C10orf67: variants seen among roughly 807,000 people sequenced by gnomAD.
C10orf67 encodes the protein chromosome 10 open reading frame 67, also known as uncharacterized protein C10orf67, mitochondrial.
A neutral mutation model predicts 35.6 loss-of-function variants in C10orf67; 60 were observed. The observed-to-expected ratio is 1.68, with a 90% CI of 1.37 to 2.09. The LOEUF (loss-of-function observed/expected upper bound fraction) is 2.09. Among genes scored for constraint, C10orf67 ranks in the 30% most tolerant of loss-of-function variants. The probability of loss-of-function intolerance (pLI) is 0.00; values close to 1 mark genes in which losing one functional copy is unlikely to be tolerated. For missense variants in C10orf67, 474 were observed against 330.2 expected, an observed-to-expected ratio of 1.44 and a Z score of -3.38; for synonymous variants, 167 against 115.8, an observed-to-expected ratio of 1.44 and a Z score of -2.84.
intron 10 of C10orf67, among the ~76,000 whole-genome samples, chr10:23,253,312 G>T (rs1842510386): frequency 6.6e-6 from 1 of 152,146 alleles, no homozygotes; most frequent in Admixed American, 6.5e-5. Flanking sequence ...AAAAGTGGGG[G>T]TCACCAAAGT....
intron 1 of C10orf67, among the ~76,000 whole-genome samples, chr10:23,334,120 T>C (rs1421750205): frequency 6.6e-6 from 1 of 152,310 alleles, no homozygotes; most frequent in East Asian, 1.9e-4. Flanking sequence ...CTAAATCTCT[T>C]TGAGGGTGCC....
chr10:23,251,548 A>G (rs1842455813), intron 10 of C10orf67, among the ~76,000 whole-genome samples: 1 of 152,234 alleles, frequency 6.6e-6, no homozygotes, highest in Admixed American at 6.5e-5. Context: ...CATGAATGAG[A>G]GAGACTTCCG....
Position 23,236,834 on chromosome 10 carries a change from G to T in C10orf67, c.1434+2895C>A, listed in dbSNP as rs573985369. On this transcript the variant is annotated intron_variant, in intron 13 of 15. Coordinates refer to ENST00000636213, the MANE Select transcript of C10orf67 (RefSeq NM_001371909.1). The stretch of plus-strand genomic sequence containing the variant: ...GGAGGTTGCAGTGAGCCAAGATCGT[G>T]CCATTGTACTCCAGCTTGGGTGACA... 2.0e-5 allele frequency among the ~76,000 whole-genome samples: 3 copies of T among 152,286 alleles called. No homozygotes were observed. The East Asian group carries it at 5.8e-4, about 29-fold the overall frequency.
chr10:23,244,931 C>G (rs942318669), intron 12 of C10orf67, among the ~76,000 whole-genome samples: 1 of 152,150 alleles, frequency 6.6e-6, no homozygotes, highest in Non-Finnish European at 1.5e-5. Context: ...CTGGAGGCAG[C>G]TCACTTCCTG....
At chr10:23,280,522 A>G (rs1479813974) in intron 8 of C10orf67, among the ~76,000 whole-genome samples, 1 of 152,190 alleles carries the variant, frequency 6.6e-6, no homozygotes, top group Non-Finnish European at 1.5e-5. Flanking sequence ...CAGGTATGCA[A>G]TGGAAACCTC....
At chr10:23,227,251 G>T (rs1841766127) in intron 13 of C10orf67, among the ~76,000 whole-genome samples, 2 of 152,184 alleles carry the variant, frequency 1.3e-5, no homozygotes, top group Non-Finnish European at 1.5e-5. Flanking sequence ...GATCAAGTGG[G>T]CTTCATCCCT....
chr10:23,274,972 T>G (rs1843143238), intron 8 of C10orf67, among the ~76,000 whole-genome samples: 1 of 152,196 alleles, frequency 6.6e-6, no homozygotes. Flanking sequence ...CTGCCGCAGC[T>G]TCAGCCGGTC....
chr10:23,291,966 T>C (rs1319883255), intron 5 of C10orf67, among the ~76,000 whole-genome samples: 1 of 152,038 alleles, frequency 6.6e-6, no homozygotes, highest in Non-Finnish European at 1.5e-5. Flanking sequence ...TTGGTTTAAA[T>C]CTCTATGCAA....
Position 23,289,917 on chromosome 10 carries a change from G to A in C10orf67, c.892C>T (p.His298Tyr). The A allele has an allele frequency of 1.4e-6, 1 of 716,958 alleles. No homozygotes were observed. The highest frequency in any genetic ancestry group is 2.6e-6 in the Non-Finnish European group (1 of 384,840). 44.4% of individuals were successfully genotyped at this position (716,958 alleles called of 1,614,324 possible). ...ISMKEMAEKD[H>Y]KTIQKLMDSR... is the part of the protein sequence containing the mutation. Reference sequence around the variant, plus strand: ...TATAGTACCTTTTGAATAGTTTTGTGATCCTTTTCTGCCATCTCTTTCATA... The same window carrying A: ...TATAGTACCTTTTGAATAGTTTTGTAATCCTTTTCTGCCATCTCTTTCATA... The change falls in exon 7 of 16, where the codon CAC becomes TAC. Residue 298 changes from histidine (H) to tyrosine (Y), a missense_variant. Transcript: ENST00000636213.
At chr10:23,235,765 G>C (rs1475684867) in intron 13 of C10orf67, among the ~76,000 whole-genome samples, 1 of 152,126 alleles carries the variant, frequency 6.6e-6, no homozygotes, top group Non-Finnish European at 1.5e-5. Flanking sequence ...TCATTAATTA[G>C]GGAAATGCAA....
chr10:23,207,306 A>G (rs1243447519), intron 15 of C10orf67, among the ~76,000 whole-genome samples: 4 of 152,222 alleles, frequency 2.6e-5, no homozygotes, highest in African/African-American at 4.8e-5. Flanking sequence ...TGTCACTTTG[A>G]AAAGAGTTAA....
At chr10:23,220,405 A>G (rs1841546470) in intron 15 of C10orf67, among the ~76,000 whole-genome samples, 1 of 152,160 alleles carries the variant, frequency 6.6e-6, no homozygotes, top group Admixed American at 6.6e-5. Flanking sequence ...TGTCTGTTTT[A>G]CACAACAGGA....
intron 15 of C10orf67, among the ~76,000 whole-genome samples, chr10:23,212,823 G>GAGAGAC (rs1354842224): frequency 1.4e-5 from 2 of 141,514 alleles, no homozygotes; most frequent in African/African-American, 5.4e-5. Flanking sequence ...GAGAGAGAGA[G>GAGAGAC]ACGTAAGCAT....
At chr10:23,269,923 C>T (rs1302978229) in intron 8 of C10orf67, among the ~76,000 whole-genome samples, 1 of 152,038 alleles carries the variant, frequency 6.6e-6, no homozygotes, top group Non-Finnish European at 1.5e-5. Flanking sequence ...AATAACACTC[C>T]TGTCTCAGAA....
chr10:23,204,116 G>C lies in C10orf67; in HGVS notation c.*57C>G. On this transcript the variant is annotated 3_prime_UTR_variant, in exon 16 of 16. Coordinates refer to ENST00000636213, the MANE Select transcript of C10orf67 (RefSeq NM_001371909.1). ...TTTCCGAGGGAGGCACCTTACACCA[G>C]GACGGCGAGGCCACTCTTTCTGAGG... 1 of 471,054 alleles carries C rather than the reference G, an allele frequency of 2.1e-6. No individual in the cohort carries two copies. Among genetic ancestry groups the C allele is most frequent in the South Asian group, 4.3e-5 (1 of 23,450 alleles). The allele number at this position is 471,054 out of a possible 1,614,324, so 29.2% of individuals were successfully genotyped here.
chr10:23,247,432 T>G (rs991298675), intron 12 of C10orf67, among the ~76,000 whole-genome samples: 11 of 152,220 alleles, frequency 7.2e-5, no homozygotes, highest in Admixed American at 4.6e-4. Context: ...GTTTGTAGCC[T>G]AGGAGCAATA....
chr10:23,213,738 G>A (rs938643505), intron 15 of C10orf67, among the ~76,000 whole-genome samples: 2 of 151,784 alleles, frequency 1.3e-5, no homozygotes, highest in South Asian at 4.2e-4. Context: ...ATCAGCATGG[G>A]GGAAACGATA....
chr10:23,223,987 G>C (rs979893367), intron 13 of C10orf67, among the ~76,000 whole-genome samples, 169 bp from the exon 14 acceptor site: 3 of 152,212 alleles, frequency 2.0e-5, no homozygotes, highest in African/African-American at 7.2e-5. Context: ...CAATGGGATA[G>C]AGCCTCTTTC....
intron 12 of C10orf67, among the ~76,000 whole-genome samples, chr10:23,242,736 T>C (rs1842215909): frequency 6.7e-6 from 1 of 150,212 alleles, no homozygotes; most frequent in Non-Finnish European, 1.5e-5. Flanking sequence ...AAAGGAGAAA[T>C]TTCAAAAAAA....
Sources: gnomAD v4.1 joint callset for allele counts (sites outside exome capture counted in the v4.1 genomes callset) on GRCh38, gnomAD v4.1.1 for gene constraint, MANE v1.5 for transcripts, NCBI Gene and HGNC (gene_info 2026-07-23, HGNC 2026-07-21) for gene names.